Variants in FBN1 observed in about 807,000 individuals in gnomAD.
The protein encoded by FBN1 is fibrillin-1.
A neutral mutation model predicts 365.1 loss-of-function variants in FBN1; 29 were observed. The observed-to-expected ratio is 0.08, with a 90% CI of 0.06 to 0.11. The LOEUF is 0.11. FBN1 is among the 10% of genes least tolerant of loss of function. The pLI is 1.00. For synonymous variants in FBN1, 1,210 were observed against 1,270.5 expected, an observed-to-expected ratio of 0.95 and a Z score of 1.01; for missense variants, 2,476 against 3,703.2, an observed-to-expected ratio of 0.67 and a Z score of 8.60.
Position 48,437,329 on chromosome 15 carries a change from T to C in FBN1, c.6372A>G (p.Ser2124=), listed in dbSNP as rs397515832. 1.5e-5 allele frequency: 24 copies of C among 1,613,248 alleles called. No individual in the cohort carries two copies. In the Admixed American group the frequency reaches 2.0e-4, roughly 13 times the overall value. The change falls in exon 52 of 66, where the codon TCA becomes TCG. Residue 2124 remains serine (S), a synonymous_variant. Coordinates refer to ENST00000316623, the MANE Select transcript of FBN1 (RefSeq NM_000138.5). The part of the protein sequence containing the change: ...GSGIIVGPDD[S]AVDMDECKEP... ...CCAGCACAGGCAACTGACCAACTGCTGAATCATCAGGTCCCACGATGATCC... is the reference window on the plus strand; with the variant it reads ...CCAGCACAGGCAACTGACCAACTGCCGAATCATCAGGTCCCACGATGATCC...
intron 44 of FBN1, among the ~76,000 whole-genome samples, chr15:48,454,663 G>T (rs1375216157): frequency 6.6e-6 from 1 of 152,190 alleles, no homozygotes; most frequent in East Asian, 1.9e-4. Flanking sequence ...ACCAGTTCTG[G>T]GCTTTTACAC....
intron 6 of FBN1, among the ~76,000 whole-genome samples, chr15:48,560,531 T>C (rs1301933290): frequency 6.6e-6 from 1 of 152,146 alleles, no homozygotes. Context: ...CCCATCCCCT[T>C]GGTAGTTAGG....
intron 6 of FBN1, among the ~76,000 whole-genome samples, chr15:48,591,711 G>GT (rs2044478071): frequency 6.6e-6 from 1 of 152,152 alleles, no homozygotes; most frequent in Admixed American, 6.5e-5. Context: ...AGTCTTTAGA[G>GT]TTATGAGTGG....
Position 48,516,275 on chromosome 15 carries a change from A to T in FBN1, c.1235T>A (p.Val412Asp), listed in dbSNP as rs764925097. The change falls in exon 11 of 66, where the codon GTT (valine) becomes GAT (aspartate). Residue 412 changes from valine (V) to aspartate (D), a missense_variant. Physicochemically the swap from Val to Asp is radical, Grantham distance 152 (BLOSUM62 -3). Coordinates refer to ENST00000316623, the MANE Select transcript of FBN1 (RefSeq NM_000138.5). ...PPPPLGPIPPVLPVPPGFPPG... is the reference protein window; with the variant it reads ...PPPPLGPIPPDLPVPPGFPPG... ...AGGAAAGCCAGGAGGAACAGGGAGA[A>T]CTGGAGGAATGGGGCCAAGGGGTGG... The T allele has an allele frequency of 1.2e-6, 2 of 1,613,694 alleles. No homozygotes were observed. Among genetic ancestry groups the T allele is most frequent in the Admixed American group, 3.3e-5 (2 of 59,998 alleles).
intron 25 of FBN1, among the ~76,000 whole-genome samples, chr15:48,488,838 C>G (rs2043531879): frequency 6.6e-6 from 1 of 152,052 alleles, no homozygotes; most frequent in Admixed American, 6.6e-5. Flanking sequence ...ATTTAAAGCA[C>G]ATAGAACATT....
At chr15:48,480,399 A>G (rs543802299) in intron 32 of FBN1, among the ~76,000 whole-genome samples, 2 of 152,284 alleles carry the variant, frequency 1.3e-5, no homozygotes, top group Admixed American at 6.5e-5. Flanking sequence ...ATACAAAGCT[A>G]GGCACCATTT....
At chr15:48,563,965 T>C (rs181510748) in intron 6 of FBN1, among the ~76,000 whole-genome samples, 1 of 152,322 alleles carries the variant, frequency 6.6e-6, no homozygotes, top group East Asian at 1.9e-4. Flanking sequence ...GAGCCAGCTA[T>C]GTAAAAACAG....
chr15:48,483,251 A>G (rs1297164602), intron 31 of FBN1, among the ~76,000 whole-genome samples: 1 of 152,226 alleles, frequency 6.6e-6, no homozygotes, highest in East Asian at 1.9e-4. Flanking sequence ...TCAAACAGCT[A>G]GAGGAATGAT....
At chr15:48,560,509 G>C (rs79029185) in intron 6 of FBN1, among the ~76,000 whole-genome samples, 1 of 152,138 alleles carries the variant, frequency 6.6e-6, no homozygotes, top group Non-Finnish European at 1.5e-5. Flanking sequence ...TATTCTCTGA[G>C]GTTTGGGATT....
At chr15:48,544,736 T>A (rs2044082052) in intron 6 of FBN1, among the ~76,000 whole-genome samples, 1 of 152,196 alleles carries the variant, frequency 6.6e-6, no homozygotes, top group East Asian at 1.9e-4. Flanking sequence ...TTGTTCAGAG[T>A]AAAAGAATAT....
chr15:48,457,432 T>C (rs1373382973), intron 43 of FBN1, among the ~76,000 whole-genome samples: 1 of 152,090 alleles, frequency 6.6e-6, no homozygotes, highest in Non-Finnish European at 1.5e-5. Flanking sequence ...TCAAATTTGT[T>C]CAGTTAAGAG....
At chr15:48,592,769 T>C (rs886523689) in intron 6 of FBN1, among the ~76,000 whole-genome samples, 6 of 152,208 alleles carry the variant, frequency 3.9e-5, no homozygotes, top group Admixed American at 2.0e-4. Flanking sequence ...CAAGGGCTAA[T>C]ACCTAAGCTA....
At chr15:48,620,657 G>C (rs540300122) in intron 2 of FBN1, among the ~76,000 whole-genome samples, 3 of 152,202 alleles carry the variant, frequency 2.0e-5, no homozygotes, top group African/African-American at 7.2e-5. Context: ...ATTTTTGATA[G>C]ATACATAATA....
intron 46 of FBN1, among the ~76,000 whole-genome samples, chr15:48,447,875 T>C (rs78091429): frequency 0.022 from 3,323 of 152,266 alleles, 69 homozygotes; most frequent in East Asian, 0.083. Context: ...TCAAGAATTT[T>C]TGCCTTGATT....
chr15:48,583,767 T>C (rs2044414892), intron 6 of FBN1, among the ~76,000 whole-genome samples: 2 of 152,226 alleles, frequency 1.3e-5, no homozygotes, highest in South Asian at 4.1e-4. Context: ...GAAATAGTTT[T>C]CCCCTTACCC....
At chr15:48,435,772 A>ATG (rs374043226) in intron 53 of FBN1, among the ~76,000 whole-genome samples, 15,244 of 105,410 alleles carry the variant, frequency 0.14, 1,425 homozygotes, top group Admixed American at 0.25. Context: ...ATATGTGTAT[A>ATG]TGTGTGTGTG....
At chr15:48,508,536 A>G (rs2043730440) in intron 15 of FBN1, 46 bp downstream of exon 15, 2 of 1,612,732 alleles carry the variant, frequency 1.2e-6, no homozygotes, top group African/African-American at 1.3e-5. Context: ...CATAAGGAGG[A>G]GAAAAGGCAC....
At chr15:48,520,618 CTGGGA>C (rs1566917943) in intron 10 of FBN1, 36 bp downstream of exon 10, 4 of 1,611,560 alleles carry the variant, frequency 2.5e-6, no homozygotes, top group South Asian at 2.2e-5. Flanking sequence ...CTTGTGAGGG[CTGGGA>C]TGGGATATTC....
rs1432191319 is a variant in FBN1, at chr15:48,492,600, AAAAGTAT to A, written c.2729-21_2729-15del. 6.5e-7 allele frequency: 1 copy of A among 1,549,174 alleles called. No individual in the cohort carries two copies. Among genetic ancestry groups the A allele is most frequent in the East Asian group, 2.3e-5 (1 of 43,734 alleles). On this transcript the variant is annotated splice_polypyrimidine_tract_variant and intron_variant, in intron 23 of 65. Transcript: ENST00000316623. ...ATTCATCTATATCTAAAAAGAAAAA[AAAAGTAT>A]AAAGTTAATATATCTTTATAATATC...
Sources: gnomAD v4.1 joint callset for allele counts (sites outside exome capture counted in the v4.1 genomes callset) on GRCh38, gnomAD v4.1.1 for gene constraint, MANE v1.5 for transcripts, NCBI Gene and HGNC (gene_info 2026-07-23, HGNC 2026-07-21) for gene names.